The following KPNA3 variants were observed in gnomAD, a reference collection of about 807,000 sequenced individuals.
KPNA3 encodes karyopherin subunit alpha 3.
A neutral mutation model predicts 73.8 loss-of-function variants in KPNA3; 13 were observed. That is an observed-to-expected ratio of 0.18 (90% CI 0.11 to 0.28). The LOEUF is 0.28. Ranked by LOEUF, KPNA3 falls within the 10% of genes least tolerant of loss-of-function variation. The pLI, the probability that KPNA3 is intolerant of heterozygous loss-of-function variation, is 1.00. For synonymous variants in KPNA3, 186 were observed against 206.9 expected, an observed-to-expected ratio of 0.90 and a Z score of 0.87; for missense variants, 360 against 618.1, an observed-to-expected ratio of 0.58 and a Z score of 4.43.
chr13:49,734,097 A>G (rs1045184724), intron 2 of KPNA3, among the ~76,000 whole-genome samples: 88 of 152,368 alleles, frequency 5.8e-4, no homozygotes, highest in African/African-American at 2.0e-3. Flanking sequence ...ATTTAAATTA[A>G]TAAGACTTCT....
chr13:49,706,841 C>T (rs544273480), intron 12 of KPNA3, among the ~76,000 whole-genome samples: 66 of 152,134 alleles, frequency 4.3e-4, no homozygotes, highest in African/African-American at 1.3e-3. Context: ...CTCCGCCTCC[C>T]GGGTTCACGC....
intron 1 of KPNA3, among the ~76,000 whole-genome samples, chr13:49,772,133 A>T (rs1173178623): frequency 1.3e-5 from 2 of 152,294 alleles, no homozygotes; most frequent in South Asian, 2.1e-4. Context: ...AAGAGTTTTA[A>T]TTCTTATTTT....
intron 6 of KPNA3, among the ~76,000 whole-genome samples, chr13:49,726,431 G>C (rs1954409845): frequency 6.6e-6 from 1 of 152,210 alleles, no homozygotes; most frequent in Non-Finnish European, 1.5e-5. Context: ...GAAGGATCAT[G>C]ATGTGTAGGA....
intron 1 of KPNA3, among the ~76,000 whole-genome samples, chr13:49,762,520 A>T (rs919027857): frequency 6.8e-6 from 1 of 146,342 alleles, no homozygotes; most frequent in Non-Finnish European, 1.6e-5. Context: ...TTCTGTACTA[A>T]GAAAGATTCT....
rs542057494 is a variant in KPNA3, at chr13:49,713,838, G to T, written c.772-2816C>A. Among the ~76,000 whole-genome samples the T allele has an allele frequency of 2.6e-5, 4 of 152,152 alleles. No individual in the cohort carries two copies. The South Asian group carries it at 8.3e-4, about 32-fold the overall frequency. On this transcript the variant is annotated intron_variant, in intron 10 of 16. Transcript: ENST00000261667. ...CCTGCCTCAGTGCCCCATGTAGCTGGGATTACAGGCGCGTGCCATCACAGT... is the reference window on the plus strand; with the variant it reads ...CCTGCCTCAGTGCCCCATGTAGCTGTGATTACAGGCGCGTGCCATCACAGT...
intron 2 of KPNA3, among the ~76,000 whole-genome samples, chr13:49,743,498 TTAGTTA>T (rs1173117408): frequency 2.0e-5 from 3 of 152,162 alleles, no homozygotes; most frequent in African/African-American, 7.2e-5. Flanking sequence ...TGAGATTTCT[TTAGTTA>T]ATTTCATTTT....
intron 1 of KPNA3, among the ~76,000 whole-genome samples, chr13:49,769,535 T>C (rs1954836441): frequency 6.6e-6 from 1 of 152,246 alleles, no homozygotes; most frequent in Non-Finnish European, 1.5e-5. Flanking sequence ...AATCATATAA[T>C]ATGTGGACTT....
At chr13:49,732,529 C>A in intron 5 of KPNA3, 63 bp from the exon 6 acceptor site, 1 of 1,437,912 alleles carries the variant, frequency 7.0e-7, no homozygotes, top group East Asian at 2.3e-5. Flanking sequence ...GAAATAACAA[C>A]ATATTAACTT....
At chr13:49,724,258 A>G (rs1056871047) in intron 7 of KPNA3, among the ~76,000 whole-genome samples, 15 of 151,966 alleles carry the variant, frequency 9.9e-5, no homozygotes, top group African/African-American at 3.6e-4. Flanking sequence ...ATATGTTTTC[A>G]TATCTCTTGG....
chr13:49,767,275 G>A (rs1231178007), intron 1 of KPNA3, among the ~76,000 whole-genome samples: 5 of 151,792 alleles, frequency 3.3e-5, no homozygotes, highest in Non-Finnish European at 7.4e-5. Flanking sequence ...AAACTAGCCA[G>A]GCGTGGTGGC....
intron 9 of KPNA3, among the ~76,000 whole-genome samples, chr13:49,720,938 C>A (rs1226572341): frequency 1.3e-5 from 2 of 151,860 alleles, no homozygotes; most frequent in Admixed American, 1.3e-4. Context: ...GGAGTTAGGC[C>A]GTGGGGGCAG....
intron 8 of KPNA3, 40 bp from the exon 9 acceptor site, chr13:49,722,164 C>A: frequency 7.3e-7 from 1 of 1,363,082 alleles, no homozygotes; most frequent in South Asian, 1.8e-5. Flanking sequence ...AACTTACATT[C>A]AGGATGAGAA....
At chr13:49,708,478 A>G (rs550742752) in intron 12 of KPNA3, among the ~76,000 whole-genome samples, 58 of 152,198 alleles carry the variant, frequency 3.8e-4, no homozygotes, top group Non-Finnish European at 7.1e-4. Context: ...GTTCCTCAAA[A>G]AGCTAAACCC....
chr13:49,721,689 G>A (rs1342493130), intron 9 of KPNA3, among the ~76,000 whole-genome samples: 2 of 152,016 alleles, frequency 1.3e-5, no homozygotes, highest in African/African-American at 2.4e-5. Flanking sequence ...GCGTGGTGGC[G>A]GGTGCCTGTA....
chr13:49,711,328 C>T (rs1954259043), intron 10 of KPNA3, among the ~76,000 whole-genome samples: 1 of 152,152 alleles, frequency 6.6e-6, no homozygotes, highest in Non-Finnish European at 1.5e-5. Context: ...TTCTCCCTGC[C>T]CTCACAAATT....
At chr13:49,788,437 G>A (rs1396062347) in intron 1 of KPNA3, among the ~76,000 whole-genome samples, 1 of 152,114 alleles carries the variant, frequency 6.6e-6, no homozygotes, top group East Asian at 1.9e-4. Context: ...GCACATTCCA[G>A]GACCGGGCAT....
chr13:49,758,148 C>A (rs763964762), intron 1 of KPNA3, among the ~76,000 whole-genome samples: 8 of 152,018 alleles, frequency 5.3e-5, no homozygotes, highest in Non-Finnish European at 1.2e-4. Flanking sequence ...AACAAAACCA[C>A]AAACTAGAGG....
At chr13:49,708,688 T>C (rs1284732577) in intron 12 of KPNA3, among the ~76,000 whole-genome samples, 1 of 152,208 alleles carries the variant, frequency 6.6e-6, no homozygotes, top group African/African-American at 2.4e-5. Context: ...GGAATATTTA[T>C]TCAGCCATAG....
chr13:49,701,375 C>T lies in KPNA3; in HGVS notation c.*425G>A. 1 of 345,630 alleles carries T rather than the reference C, an allele frequency of 2.9e-6. No homozygotes were observed. Among genetic ancestry groups the T allele is most frequent in the Non-Finnish European group, 6.1e-6 (1 of 163,704 alleles). The allele number at this position is 345,630 out of a possible 1,614,324, so 21.4% of individuals were successfully genotyped here. On this transcript the variant is annotated 3_prime_UTR_variant, in exon 17 of 17. Coordinates refer to ENST00000261667, the MANE Select transcript of KPNA3 (RefSeq NM_002267.4). The stretch of plus-strand genomic sequence containing the variant: ...GGAGGACAATGATGGAGGCTCAGAT[C>T]ACACTGCACCTCTTTAGTCTTCCAA...
Sources: allele counts gnomAD v4.1 joint callset (sites outside exome capture counted in the v4.1 genomes callset), GRCh38; gene constraint gnomAD v4.1.1; transcripts MANE v1.5; gene names NCBI Gene and HGNC (gene_info 2026-07-23, HGNC 2026-07-21).